Variants in ITPRID1 observed in about 807,000 individuals in gnomAD.
ITPRID1 encodes the protein ITPR interacting domain containing 1, also known as protein ITPRID1.
In ITPRID1, 96 loss-of-function variants were observed where a neutral mutation model predicts 95.4. That is an observed-to-expected ratio of 1.01 (90% confidence interval 0.85 to 1.19). The LOEUF (loss-of-function observed/expected upper bound fraction) is 1.19, where lower values mean the gene tolerates loss of function less well. Ranked by LOEUF, ITPRID1 falls within the 50% of genes most tolerant of loss-of-function variation. The pLI is 0.00. For synonymous variants in ITPRID1, 510 were observed against 453.6 expected (o/e 1.12, Z -1.58); for missense variants, 1,339 against 1,252.9 (o/e 1.07, Z -1.04).
chr7:31,567,019 AT>A (rs1784824194), intron 5 of ITPRID1, among the ~76,000 whole-genome samples: 2 of 152,150 alleles, frequency 1.3e-5, no homozygotes, highest in African/African-American at 4.8e-5. Context: ...ATTTTATATT[AT>A]TGTGGAATTC....
At chr7:31,617,766 T>C (rs1424153150) in intron 10 of ITPRID1, among the ~76,000 whole-genome samples, 1 of 152,164 alleles carries the variant, frequency 6.6e-6, no homozygotes, top group Non-Finnish European at 1.5e-5. Context: ...ATGAGTTTGG[T>C]TGAAATTGAA....
intron 10 of ITPRID1, among the ~76,000 whole-genome samples, chr7:31,583,927 T>A (rs1785497170): frequency 1.3e-5 from 2 of 152,206 alleles, no homozygotes; most frequent in Admixed American, 1.3e-4. Flanking sequence ...AATTTTAAGT[T>A]CTCTGCTAGC....
intron 8 of ITPRID1, among the ~76,000 whole-genome samples, chr7:31,575,159 T>C (rs554901564): frequency 9.1e-4 from 139 of 152,254 alleles, no homozygotes; most frequent in African/African-American, 3.2e-3. Flanking sequence ...CCCTACCAAT[T>C]GCCCAGAAGG....
rs1482843672 is a variant in ITPRID1 at position 31,655,816 on chromosome 7, C to T, written c.*2987C>T. 3 of 985,460 alleles carry T rather than the reference C, an allele frequency of 3.0e-6. No individual in the cohort carries two copies. The East Asian group carries it at 3.4e-4, about 112-fold the overall frequency. The allele number at this position is 985,460 out of a possible 1,614,324, so 61.0% of individuals were successfully genotyped here. A position where few individuals can be genotyped will look rare whatever the true frequency, so the allele number is the denominator to read the frequency against. ...TTTGACCTCCCCTTCTCCATGTAGA[C>T]TCCGAGCTCTCCTGCAGTTTCTTCC... On this transcript the variant is annotated 3_prime_UTR_variant, in exon 15 of 15. Transcript: ENST00000615280.
At chr7:31,645,122 G>T (rs1415076120) in intron 12 of ITPRID1, among the ~76,000 whole-genome samples, 1 of 152,164 alleles carries the variant, frequency 6.6e-6, no homozygotes, top group Non-Finnish European at 1.5e-5. Context: ...TAAGTGGGAA[G>T]TCCAAATTCA....
At chr7:31,544,606 C>A (rs946022036) in intron 1 of ITPRID1, among the ~76,000 whole-genome samples, 1 of 152,080 alleles carries the variant, frequency 6.6e-6, no homozygotes, top group Admixed American at 6.6e-5. Flanking sequence ...GAGAACAATT[C>A]TTTGTACCTT....
chr7:31,545,313 C>A (rs944635370), intron 1 of ITPRID1, among the ~76,000 whole-genome samples: 1 of 151,998 alleles, frequency 6.6e-6, no homozygotes, highest in African/African-American at 2.4e-5. Flanking sequence ...ACTTGGATTG[C>A]AGTGATGTTG....
At chr7:31,566,924 G>A (rs1179561690) in intron 5 of ITPRID1, among the ~76,000 whole-genome samples, 1 of 152,162 alleles carries the variant, frequency 6.6e-6, no homozygotes, top group Non-Finnish European at 1.5e-5. Context: ...GGTGCCTCAC[G>A]GGTGAGGGAA....
intron 10 of ITPRID1, among the ~76,000 whole-genome samples, chr7:31,618,663 A>G (rs368729451): frequency 0.042 from 6,345 of 152,232 alleles, 380 homozygotes; most frequent in African/African-American, 0.13. Context: ...CCATAATTAT[A>G]GTTGAGTATT....
At chr7:31,519,620 C>CTCTATATATATATATATA in intron 1 of ITPRID1, among the ~76,000 whole-genome samples, 27 of 25,254 alleles carry the variant, frequency 1.1e-3, no homozygotes, top group African/African-American at 1.3e-3. Flanking sequence ...CTCTCTCTCT[C>CTCTATATATATATATATA]TATATATATA....
At position 31,654,924 on chromosome 7, in the gene ITPRID1, G is replaced by C. The variant is rs951294791; in HGVS notation, c.*2095G>C. On this transcript the variant is annotated 3_prime_UTR_variant, in exon 15 of 15. Transcript: ENST00000615280. Reference sequence around the variant, plus strand: ...TTTGGAAAGCCTTTGACTCAGCGGGGCCTTCCTACCCTTGGGACCACCACA... The same window carrying C: ...TTTGGAAAGCCTTTGACTCAGCGGGCCCTTCCTACCCTTGGGACCACCACA... 6.6e-6 allele frequency among the ~76,000 whole-genome samples: 1 copy of C among 152,054 alleles called. No individual in the cohort carries two copies. The highest frequency in any genetic ancestry group is 6.5e-5 in the Admixed American group (1 of 15,268).
At chr7:31,531,045 C>T (rs1399414610) in intron 1 of ITPRID1, among the ~76,000 whole-genome samples, 2 of 152,182 alleles carry the variant, frequency 1.3e-5, no homozygotes, top group Non-Finnish European at 2.9e-5. Flanking sequence ...AACTCCAGGG[C>T]TGGTCATCTC....
intron 12 of ITPRID1, among the ~76,000 whole-genome samples, chr7:31,647,009 C>A (rs896790256): frequency 6.6e-6 from 1 of 152,228 alleles, no homozygotes; most frequent in Non-Finnish European, 1.5e-5. Flanking sequence ...AAAATACACT[C>A]AAAGAAAACA....
At chr7:31,617,817 AGACTATTTAAG>A (rs1348495010) in intron 10 of ITPRID1, among the ~76,000 whole-genome samples, 6 of 152,208 alleles carry the variant, frequency 3.9e-5, no homozygotes, top group Non-Finnish European at 8.8e-5. Flanking sequence ...AAATATTTGG[AGACTATTTAAG>A]TTTCAGAAGA....
chr7:31,586,124 A>G (rs1483409953), intron 10 of ITPRID1, among the ~76,000 whole-genome samples: 1 of 137,208 alleles, frequency 7.3e-6, no homozygotes, highest in Non-Finnish European at 1.6e-5. Flanking sequence ...TTTACTGAGA[A>G]TGATGATTTC....
At chr7:31,575,032 A>G (rs1785131510) in intron 8 of ITPRID1, among the ~76,000 whole-genome samples, 1 of 152,206 alleles carries the variant, frequency 6.6e-6, no homozygotes, top group Admixed American at 6.5e-5. Flanking sequence ...ATGGAGAATG[A>G]TACTCAGCTC....
At chr7:31,523,905 T>C (rs1332186431) in intron 1 of ITPRID1, among the ~76,000 whole-genome samples, 1 of 152,212 alleles carries the variant, frequency 6.6e-6, no homozygotes, top group Non-Finnish European at 1.5e-5. Flanking sequence ...CCTGGGCTTT[T>C]TTCTTACTAA....
chr7:31,625,374 A>G (rs1279068491), intron 10 of ITPRID1, among the ~76,000 whole-genome samples: 3 of 152,124 alleles, frequency 2.0e-5, no homozygotes, highest in Non-Finnish European at 4.4e-5. Context: ...AACCAACCCA[A>G]ATGTCCAACA....
chr7:31,577,509 A>G (rs1473057681), intron 8 of ITPRID1, among the ~76,000 whole-genome samples: 1 of 152,208 alleles, frequency 6.6e-6, no homozygotes, highest in African/African-American at 2.4e-5. Flanking sequence ...CCTCATGTTG[A>G]TAGCACTGGA....
Sources: allele counts gnomAD v4.1 joint callset (sites outside exome capture counted in the v4.1 genomes callset), GRCh38; gene constraint gnomAD v4.1.1; transcripts MANE v1.5; gene names NCBI Gene and HGNC (gene_info 2026-07-23, HGNC 2026-07-21).